IL1RAPL2: variants seen among roughly 807,000 people sequenced by gnomAD.
The protein encoded by IL1RAPL2 is X-linked interleukin-1 receptor accessory protein-like 2.
Under a neutral mutation model 44.1 loss-of-function variants are expected in IL1RAPL2, and 3 were observed. That is an observed-to-expected ratio of 0.07 (90% CI 0.03 to 0.18). The LOEUF is 0.18. Ranked by LOEUF, IL1RAPL2 falls within the 10% of genes least tolerant of loss-of-function variation. The pLI is 1.00. For synonymous variants in IL1RAPL2, 181 were observed against 178.8 expected (o/e 1.01, Z -0.10); for missense variants, 391 against 496.4 (o/e 0.79, Z 2.02).
At chrX:104,757,346 G>A (rs906110403) in intron 2 of IL1RAPL2, among the ~76,000 whole-genome samples, 1 of 111,719 alleles carries the variant, frequency 9.0e-6, no homozygotes, top group Non-Finnish European at 1.9e-5. Context: ...TTTGGGATGT[G>A]ACAAACATCA....
At chrX:105,647,284 G>GA (rs2037613323) in intron 6 of IL1RAPL2, among the ~76,000 whole-genome samples, 3 of 111,580 alleles carry the variant, frequency 2.7e-5, no homozygotes, top group African/African-American at 3.3e-5. Context: ...GCTGGAGCCA[G>GA]AAAAAAACAA....
At chrX:104,937,246 C>T (rs1469474066) in intron 2 of IL1RAPL2, among the ~76,000 whole-genome samples, 1 of 112,031 alleles carries the variant, frequency 8.9e-6, no homozygotes, top group East Asian at 2.8e-4. Flanking sequence ...ACAAGTAAAT[C>T]CTCAAATTTC....
At chrX:105,688,855 G>A (rs2038009395) in intron 6 of IL1RAPL2, among the ~76,000 whole-genome samples, 1 of 111,666 alleles carries the variant, frequency 9.0e-6, no homozygotes, top group Non-Finnish European at 1.9e-5. Context: ...AAACAGCATA[G>A]TACTGGTACC....
In IL1RAPL2 at chrX:105,589,969, T is replaced by C. The variant is rs190145586; in HGVS notation, c.772+105582T>C. Among the ~76,000 whole-genome samples, 114 of 112,198 alleles carry C rather than the reference T, an allele frequency of 1.0e-3. 1 individual carries two copies. The highest frequency in any genetic ancestry group is 3.2e-4 in the Non-Finnish European group (17 of 53,225). ...TGAATCTATAAATTGCTTTGAGCAA[T>C]ATGGCCACTTTAACAATATTGATTA... On this transcript the variant is annotated intron_variant, in intron 6 of 10. Coordinates refer to ENST00000372582, the MANE Select transcript of IL1RAPL2 (RefSeq NM_017416.2).
chrX:104,802,243 G>A (rs1230267279), intron 2 of IL1RAPL2, among the ~76,000 whole-genome samples: 1 of 108,249 alleles, frequency 9.2e-6, no homozygotes, highest in Non-Finnish European at 1.9e-5. Flanking sequence ...TACTCAGGAA[G>A]CTGAGGCAGG....
chrX:105,200,915 C>CCA (rs61216729), intron 3 of IL1RAPL2, among the ~76,000 whole-genome samples: 1,790 of 104,278 alleles, frequency 0.017, 52 homozygotes, highest in African/African-American at 0.053. Flanking sequence ...CGTTTCACAC[C>CCA]CACACACACA....
intron 2 of IL1RAPL2, among the ~76,000 whole-genome samples, chrX:104,913,782 A>G (rs994681542): frequency 3.6e-5 from 4 of 112,091 alleles, no homozygotes; most frequent in African/African-American, 1.3e-4. Flanking sequence ...AGAGCCTTCT[A>G]TTTGCAACAT....
intron 5 of IL1RAPL2, among the ~76,000 whole-genome samples, chrX:105,451,751 G>T (rs1451212355): frequency 8.9e-6 from 1 of 111,825 alleles, no homozygotes; most frequent in Non-Finnish European, 1.9e-5. Context: ...AATCACTTCT[G>T]CATACATATT....
At chrX:105,704,922 A>AT (rs1425926766) in intron 6 of IL1RAPL2, among the ~76,000 whole-genome samples, 1 of 111,521 alleles carries the variant, frequency 9.0e-6, no homozygotes, top group Non-Finnish European at 1.9e-5. Flanking sequence ...ACTATATACC[A>AT]TGTAACCAAG....
rs1329408015 is a variant in IL1RAPL2 at position 105,719,416 on chromosome X, A to C, written c.902+1920A>C. ...GAATGGAATATAGATGTGATAGCTA[A>C]AGTGTATGGGTGTGTTTTTGTGTGT... On this transcript the variant is annotated intron_variant, in intron 7 of 10. Coordinates refer to ENST00000372582, the MANE Select transcript of IL1RAPL2 (RefSeq NM_017416.2). Among the ~76,000 whole-genome samples the C allele has an allele frequency of 5.4e-5, 6 of 111,636 alleles. No homozygotes were observed. The Admixed American group carries it at 5.7e-4, about 11-fold the overall frequency.
intron 2 of IL1RAPL2, among the ~76,000 whole-genome samples, chrX:104,775,543 G>A (rs1392609064): frequency 8.9e-6 from 1 of 111,737 alleles, no homozygotes; most frequent in Admixed American, 9.6e-5. Flanking sequence ...AATATGTATT[G>A]CATCTGCTGC....
At chrX:105,374,809 G>A (rs984668790) in intron 5 of IL1RAPL2, among the ~76,000 whole-genome samples, 4 of 108,091 alleles carry the variant, frequency 3.7e-5, no homozygotes, top group East Asian at 2.9e-4. Context: ...TTAGCCGGGC[G>A]CGGTGGTGGG....
intron 5 of IL1RAPL2, among the ~76,000 whole-genome samples, chrX:105,306,811 C>T (rs967159423): frequency 1.8e-5 from 2 of 111,292 alleles, no homozygotes; most frequent in Non-Finnish European, 3.8e-5. Context: ...GTGGGAGGAT[C>T]ATTTGAGGCT....
chrX:105,260,693 G>A (rs2034351918), intron 4 of IL1RAPL2, among the ~76,000 whole-genome samples: 1 of 112,144 alleles, frequency 8.9e-6, no homozygotes, highest in African/African-American at 3.2e-5. Flanking sequence ...AAGCAGTCTA[G>A]CCACGTTTTG....
chrX:104,868,510 C>G (rs1358170451), intron 2 of IL1RAPL2, among the ~76,000 whole-genome samples: 1 of 111,829 alleles, frequency 8.9e-6, no homozygotes, highest in Non-Finnish European at 1.9e-5. Context: ...TTTGCAACAA[C>G]AGTAGATGAC....
chrX:105,139,359 AGGG>A (rs2033105578), intron 2 of IL1RAPL2, among the ~76,000 whole-genome samples: 1 of 111,458 alleles, frequency 9.0e-6, no homozygotes, highest in African/African-American at 3.3e-5. Context: ...AGTTTGAAAA[AGGG>A]GGGAGAATGT....
intron 2 of IL1RAPL2, among the ~76,000 whole-genome samples, chrX:105,011,566 A>T (rs1049427269): frequency 8.9e-6 from 1 of 111,830 alleles, no homozygotes; most frequent in South Asian, 3.6e-4. Flanking sequence ...ATGTAAGTTG[A>T]ATCAAATAAT....
rs1348782360 is a variant in IL1RAPL2 at position 105,701,461 on chromosome X, T to C, written c.773-15906T>C. The stretch of plus-strand genomic sequence containing the variant: ...ATTTATTTTTTAATATATTGCGACA[T>C]TGAATTCCTGCAATTCCTCTTACCA... On this transcript the variant is annotated intron_variant, in intron 6 of 10. Coordinates refer to ENST00000372582, the MANE Select transcript of IL1RAPL2 (RefSeq NM_017416.2). Among the ~76,000 whole-genome samples the C allele has an allele frequency of 2.7e-5, 3 of 111,639 alleles. No homozygotes were observed. In the Admixed American group the frequency reaches 2.9e-4, roughly 11 times the overall value.
intron 6 of IL1RAPL2, among the ~76,000 whole-genome samples, chrX:105,665,920 G>A (rs1362371014): frequency 1.9e-5 from 2 of 106,859 alleles, no homozygotes; most frequent in African/African-American, 3.4e-5. Context: ...CCGCCACCAC[G>A]CCCGGCTAAT....
Sources: gnomAD v4.1 joint callset for allele counts (sites outside exome capture counted in the v4.1 genomes callset) on GRCh38, gnomAD v4.1.1 for gene constraint, MANE v1.5 for transcripts, NCBI Gene and HGNC (gene_info 2026-07-23, HGNC 2026-07-21) for gene names.